Variants in SMOC1 observed in about 807,000 individuals in gnomAD.
SMOC1 encodes the protein SPARC related modular calcium binding 1, also known as SPARC-related modular calcium-binding protein 1.
Under a neutral mutation model 56.3 loss-of-function variants are expected in SMOC1, and 22 were observed. The ratio of observed to expected loss-of-function variants is 0.39; its 90% CI spans 0.28 to 0.56. The LOEUF (loss-of-function observed/expected upper bound fraction) is 0.56, where lower values mean the gene tolerates loss of function less well. Ranked by LOEUF, SMOC1 falls within the 20% of genes least tolerant of loss-of-function variation. SMOC1 has a pLI of 0.61. For missense variants in SMOC1, 509 were observed against 565.4 expected (o/e 0.90, Z 1.01); for synonymous variants, 193 against 215.0 (o/e 0.90, Z 0.89).
chr14:69,998,458 T>G (rs1594847043), intron 7 of SMOC1, among the ~76,000 whole-genome samples: 1 of 152,180 alleles, frequency 6.6e-6, no homozygotes, highest in Non-Finnish European at 1.5e-5. Context: ...AGGGGTTGGC[T>G]ACCAAGGCAT....
intron 1 of SMOC1, among the ~76,000 whole-genome samples, chr14:69,901,364 T>C (rs1884237370): frequency 6.6e-6 from 1 of 152,216 alleles, no homozygotes; most frequent in Non-Finnish European, 1.5e-5. Context: ...TTGTTGTGGA[T>C]ATCCTAATTT....
chr14:70,004,745 CA>C (rs1770944041), intron 7 of SMOC1, among the ~76,000 whole-genome samples: 1 of 152,190 alleles, frequency 6.6e-6, no homozygotes, highest in Non-Finnish European at 1.5e-5. Context: ...AGATATCTAG[CA>C]CTTGTCCCTG....
At chr14:70,012,199 T>C (rs1197315424) in intron 9 of SMOC1, among the ~76,000 whole-genome samples, 1 of 152,252 alleles carries the variant, frequency 6.6e-6, no homozygotes, top group Non-Finnish European at 1.5e-5. Context: ...CTATCAGGAC[T>C]CCAAGTGAGA....
intron 1 of SMOC1, among the ~76,000 whole-genome samples, chr14:69,918,829 AG>A (rs1195795052): frequency 6.6e-6 from 1 of 152,214 alleles, no homozygotes; most frequent in African/African-American, 2.4e-5. Context: ...CCAAGAACAA[AG>A]CTTCTCTGTC....
chr14:69,881,881 T>C (rs539056017), intron 1 of SMOC1, among the ~76,000 whole-genome samples: 30 of 152,290 alleles, frequency 2.0e-4, no homozygotes, highest in Admixed American at 5.2e-4. Context: ...ATTTTACAGA[T>C]GACAAAGTGA....
rs72729810 is a variant in SMOC1, at chr14:70,027,004, T to C, written c.1292-3238T>C. On this transcript the variant is annotated intron_variant, in intron 11 of 11. Transcript: ENST00000361956. ...AGAGGAAGAGGGTATGTAGGATTAA[T>C]CAATGGGGTGGGGTGAAGTGGAGGC... Among the ~76,000 whole-genome samples, 1,094 of 152,254 alleles carry C rather than the reference T, an allele frequency of 7.2e-3. 12 individuals carry two copies. The highest frequency in any genetic ancestry group is 9.0e-3 in the Non-Finnish European group (614 of 68,010).
rs142051278 is a variant in SMOC1, at chr14:69,992,448, G to T, written c.558G>T (p.Glu186Asp). The change falls in exon 6 of 12, where the codon GAG becomes GAT. Residue 186 changes from glutamate to aspartate, a missense_variant. Physicochemically the swap from Glu to Asp is conservative, Grantham distance 45. Around this residue, in one of 3 missense-constraint regions of SMOC1, gnomAD observed 315 missense variants for 333.1 expected, o/e 0.95. Coordinates refer to ENST00000361956, the MANE Select transcript of SMOC1 (RefSeq NM_001034852.3). ...DDGSKPTPTM[E>D]TQPVFDGDEI... is the part of the protein sequence containing the mutation. Reference sequence around the variant, plus strand: ...GGTCTAAGCCGACACCCACGATGGAGACCCAGCCGGTGTTCGATGGAGATG... The same window carrying T: ...GGTCTAAGCCGACACCCACGATGGATACCCAGCCGGTGTTCGATGGAGATG... The T allele has an allele frequency of 4.3e-6, 7 of 1,613,906 alleles. No homozygotes were observed. The South Asian group carries it at 5.5e-5, about 13-fold the overall frequency.
chr14:69,993,611 T>C lies in SMOC1; in HGVS notation c.584-789T>C, dbSNP rs7141686. 7.6e-3 allele frequency among the ~76,000 whole-genome samples: 1,155 copies of C among 152,278 alleles called. 17 individuals carry two copies. Among genetic ancestry groups the C allele is most frequent in the African/African-American group, 0.026 (1,087 of 41,552 alleles). On this transcript the variant is annotated intron_variant, in intron 6 of 11. Coordinates refer to ENST00000361956, the MANE Select transcript of SMOC1 (RefSeq NM_001034852.3). ...AGCTTAGCTCTGAGGAGGATTGAAATGTGCAATATCCTTTGCAATCAGCTC... is the reference window on the plus strand; with the variant it reads ...AGCTTAGCTCTGAGGAGGATTGAAACGTGCAATATCCTTTGCAATCAGCTC...
intron 1 of SMOC1, among the ~76,000 whole-genome samples, chr14:69,895,195 G>A (rs537749557): frequency 2.6e-5 from 4 of 152,310 alleles, no homozygotes; most frequent in African/African-American, 9.6e-5. Context: ...CTCAGAACAT[G>A]TGGAATCTTC....
At chr14:69,940,024 A>G (rs544816319) in intron 1 of SMOC1, among the ~76,000 whole-genome samples, 1 of 152,360 alleles carries the variant, frequency 6.6e-6, no homozygotes, top group East Asian at 1.9e-4. Flanking sequence ...GTGAGTGCCC[A>G]GAATCTCTCA....
At chr14:69,926,383 G>A (rs914016668) in intron 1 of SMOC1, among the ~76,000 whole-genome samples, 1 of 152,210 alleles carries the variant, frequency 6.6e-6, no homozygotes, top group African/African-American at 2.4e-5. Flanking sequence ...AAGCCTCTCT[G>A]GGTTCAAGCT....
At chr14:69,898,002 C>G (rs1249129516) in intron 1 of SMOC1, among the ~76,000 whole-genome samples, 1 of 151,996 alleles carries the variant, frequency 6.6e-6, no homozygotes, top group African/African-American at 2.4e-5. Context: ...TTTTTATTTG[C>G]CTCAGAGTCT....
chr14:70,011,561 C>A lies in SMOC1; in HGVS notation c.934C>A (p.Leu312Ile). The A allele has an allele frequency of 6.2e-7, 1 of 1,613,750 alleles. No homozygotes were observed. The highest frequency in any genetic ancestry group is 1.1e-5 in the South Asian group (1 of 91,072). Residue 312 changes from leucine (L) to isoleucine (I), a missense_variant, in exon 9 of 12, where the codon CTA becomes ATA. Physicochemically the swap from Leu to Ile is conservative, Grantham distance 5. Coordinates refer to ENST00000361956, the MANE Select transcript of SMOC1 (RefSeq NM_001034852.3). ...EADDPFKDRELPGCPEGKKME... is the reference protein window; with the variant it reads ...EADDPFKDREIPGCPEGKKME... ...GGATGACCCCTTCAAGGACAGGGAG[C>A]TACCAGGTGGGAGACGATGCTGCCC...
chr14:69,962,053 T>G (rs1883400868), intron 3 of SMOC1, among the ~76,000 whole-genome samples: 1 of 152,232 alleles, frequency 6.6e-6, no homozygotes. Flanking sequence ...TTCTATATCT[T>G]TGGAGAAATG....
intron 3 of SMOC1, among the ~76,000 whole-genome samples, chr14:69,956,802 C>T (rs997356080): frequency 3.3e-5 from 5 of 152,102 alleles, no homozygotes; most frequent in South Asian, 2.1e-4. Flanking sequence ...TCTACAGCAG[C>T]GACACTAAAG....
At chr14:69,982,260 A>T (rs1299813450) in intron 5 of SMOC1, among the ~76,000 whole-genome samples, 1 of 152,222 alleles carries the variant, frequency 6.6e-6, no homozygotes, top group Non-Finnish European at 1.5e-5. Flanking sequence ...TTGTCAAGCT[A>T]GTCTTGGAGA....
intron 1 of SMOC1, among the ~76,000 whole-genome samples, chr14:69,924,239 G>A (rs941813701): frequency 9.2e-5 from 14 of 152,256 alleles, no homozygotes; most frequent in East Asian, 5.8e-4. Context: ...CTGGTCCATC[G>A]GCAGATCCTG....
chr14:70,029,857 A>C (rs1886073558), intron 11 of SMOC1, among the ~76,000 whole-genome samples: 1 of 152,076 alleles, frequency 6.6e-6, no homozygotes, highest in Admixed American at 6.5e-5. Flanking sequence ...TGCCATCCCC[A>C]CCTGTAAACA....
intron 1 of SMOC1, among the ~76,000 whole-genome samples, chr14:69,927,317 C>T (rs1032128426): frequency 6.6e-6 from 1 of 152,200 alleles, no homozygotes; most frequent in Admixed American, 6.5e-5. Context: ...CCTACAAGTG[C>T]TGGACAGGAA....
Sources: gnomAD v4.1 joint callset for allele counts (sites outside exome capture counted in the v4.1 genomes callset) on GRCh38, gnomAD v4.1.1 for gene constraint, gnomAD v4.1.1 regional missense constraint, MANE v1.5 for transcripts, NCBI Gene and HGNC (gene_info 2026-07-23, HGNC 2026-07-21) for gene names.